The following SYN2 variants were observed in gnomAD, a reference collection of about 807,000 sequenced individuals.
SYN2 encodes synapsin-2.
A neutral mutation model predicts 50.9 loss-of-function variants in SYN2; 19 were observed. The observed-to-expected ratio is 0.37, with a 90% CI of 0.26 to 0.55. The LOEUF (loss-of-function observed/expected upper bound fraction) is 0.55, where lower values mean the gene tolerates loss of function less well. Ranked by LOEUF, SYN2 falls within the 20% of genes least tolerant of loss-of-function variation. The pLI, the probability that SYN2 is intolerant of heterozygous loss-of-function variation, is 0.81. For missense variants in SYN2, 587 were observed against 576.4 expected, an observed-to-expected ratio of 1.02 and a Z score of -0.19; for synonymous variants, 255 against 224.9, an observed-to-expected ratio of 1.13 and a Z score of -1.20.
At chr3:12,013,431 G>A (rs1365601457) in intron 1 of SYN2, among the ~76,000 whole-genome samples, 1 of 152,038 alleles carries the variant, frequency 6.6e-6, no homozygotes, top group Non-Finnish European at 1.5e-5. Flanking sequence ...CTCTCAAGGT[G>A]TCAGTTACCT....
At chr3:12,097,279 A>T (rs1051334862) in intron 1 of SYN2, among the ~76,000 whole-genome samples, 1 of 152,212 alleles carries the variant, frequency 6.6e-6, no homozygotes, top group Non-Finnish European at 1.5e-5. Flanking sequence ...AACCAGCCCA[A>T]ATGTCCATCA....
At chr3:12,070,270 A>T (rs901552624) in intron 1 of SYN2, 5 of 479,580 alleles carry the variant, frequency 1.0e-5, no homozygotes, top group Non-Finnish European at 2.1e-5. Context: ...TGTCTCCGGC[A>T]TGTACAAAGC....
intron 1 of SYN2, among the ~76,000 whole-genome samples, chr3:12,107,584 C>G (rs929607168): frequency 2.6e-5 from 4 of 152,134 alleles, no homozygotes; most frequent in African/African-American, 9.6e-5. Flanking sequence ...CATGTGGAGG[C>G]TTCTGGAATA....
chr3:12,128,168 C>T (rs941628170), intron 1 of SYN2, among the ~76,000 whole-genome samples: 1 of 152,138 alleles, frequency 6.6e-6, no homozygotes, highest in Non-Finnish European at 1.5e-5. Context: ...TGGTTTCGAA[C>T]TCCTGGACTC....
chr3:12,087,092 A>G (rs1420912396), intron 1 of SYN2, among the ~76,000 whole-genome samples: 1 of 152,228 alleles, frequency 6.6e-6, no homozygotes, highest in Admixed American at 6.5e-5. Flanking sequence ...AGAAATTAAG[A>G]AAACAGTCCC....
At chr3:12,165,829 G>A (rs181642472) in intron 7 of SYN2, among the ~76,000 whole-genome samples, 38 of 152,322 alleles carry the variant, frequency 2.5e-4, no homozygotes, top group African/African-American at 8.9e-4. Flanking sequence ...CAGCCACTCA[G>A]TAGTTTGTTT....
intron 1 of SYN2, among the ~76,000 whole-genome samples, chr3:12,055,845 C>A (rs1347195116): frequency 6.6e-6 from 1 of 152,140 alleles, no homozygotes; most frequent in Non-Finnish European, 1.5e-5. Context: ...TTTTGCAACT[C>A]CCATTGAATT....
chr3:12,126,897 C>CT (rs1258892791), intron 1 of SYN2, among the ~76,000 whole-genome samples: 1 of 152,204 alleles, frequency 6.6e-6, no homozygotes, highest in Non-Finnish European at 1.5e-5. Flanking sequence ...CTCTCGAACA[C>CT]TAATTTATTT....
intron 1 of SYN2, among the ~76,000 whole-genome samples, chr3:12,111,933 A>G (rs915516368): frequency 2.6e-5 from 4 of 152,198 alleles, no homozygotes; most frequent in Admixed American, 2.0e-4. Flanking sequence ...AAAATGAAAT[A>G]GAATCTGGGT....
At chr3:12,097,075 T>C (rs2125186198) in intron 1 of SYN2, among the ~76,000 whole-genome samples, 1 of 152,324 alleles carries the variant, frequency 6.6e-6, no homozygotes, top group South Asian at 2.1e-4. Flanking sequence ...TTGGTGGGAC[T>C]GTAAACTAGT....
intron 10 of SYN2, among the ~76,000 whole-genome samples, chr3:12,178,334 T>G (rs1698137809): frequency 6.6e-6 from 1 of 152,098 alleles, no homozygotes; most frequent in Admixed American, 6.5e-5. Flanking sequence ...AAGTGTTGAG[T>G]CACTCAATGT....
intron 1 of SYN2, among the ~76,000 whole-genome samples, chr3:12,021,808 T>C (rs1279360299): frequency 1.3e-5 from 2 of 152,034 alleles, no homozygotes; most frequent in Non-Finnish European, 2.9e-5. Context: ...CTCATGCCTG[T>C]AATCCCAGCA....
chr3:12,151,223 C>G lies in SYN2; in HGVS notation c.685-14C>G. On this transcript the variant is annotated splice_polypyrimidine_tract_variant and intron_variant, in intron 4 of 12. Transcript: ENST00000621198. The stretch of plus-strand genomic sequence containing the variant: ...TATCTAAGATAAGCTGTAACATTTG[C>G]TTTTCTTTTGCAGTTTGCCCAGCTG... 1.3e-6 allele frequency: 2 copies of G among 1,599,912 alleles called. No individual in the cohort carries two copies. The highest frequency in any genetic ancestry group is 1.7e-6 in the Non-Finnish European group (2 of 1,170,444).
intron 1 of SYN2, among the ~76,000 whole-genome samples, chr3:12,005,568 G>A (rs1305077268): frequency 1.1e-5 from 1 of 91,366 alleles, no homozygotes; most frequent in African/African-American, 4.5e-5. Context: ...GGGAGGGGAC[G>A]TGTGGAATTT....
intron 1 of SYN2, among the ~76,000 whole-genome samples, chr3:12,073,497 CCA>C (rs779291651): frequency 6.6e-6 from 1 of 152,206 alleles, no homozygotes; most frequent in Non-Finnish European, 1.5e-5. Context: ...TCTCCAGTAT[CCA>C]CAGTTTTGTT....
At chr3:12,164,206 A>G (rs369416754) in intron 7 of SYN2, among the ~76,000 whole-genome samples, 1 of 152,216 alleles carries the variant, frequency 6.6e-6, no homozygotes, top group Non-Finnish European at 1.5e-5. Context: ...AAAATCCCCT[A>G]AATAAACACA....
At chr3:12,137,925 A>G (rs951609299) in intron 1 of SYN2, among the ~76,000 whole-genome samples, 1 of 152,192 alleles carries the variant, frequency 6.6e-6, no homozygotes, top group African/African-American at 2.4e-5. Flanking sequence ...TGGTTTAACC[A>G]CATGATATAC....
chr3:12,061,836 G>A (rs981182782), intron 1 of SYN2, among the ~76,000 whole-genome samples: 3 of 151,938 alleles, frequency 2.0e-5, no homozygotes, highest in East Asian at 1.9e-4. Context: ...AATTCAAGAC[G>A]TATAAGCAGA....
intron 1 of SYN2, among the ~76,000 whole-genome samples, chr3:12,071,958 A>G (rs1158549204): frequency 1.3e-5 from 2 of 152,212 alleles, no homozygotes; most frequent in Non-Finnish European, 2.9e-5. Context: ...TAATTTATGT[A>G]AGGTTTTTTT....
Sources: gnomAD v4.1 joint callset for allele counts (sites outside exome capture counted in the v4.1 genomes callset) on GRCh38, gnomAD v4.1.1 for gene constraint, MANE v1.5 for transcripts, NCBI Gene and HGNC (gene_info 2026-07-23, HGNC 2026-07-21) for gene names.